Variants in LYPLAL1 observed in about 807,000 individuals in gnomAD.
LYPLAL1 encodes lysophospholipase like 1, also known as lysophospholipase-like protein 1.
A neutral mutation model predicts 19.7 loss-of-function variants in LYPLAL1; 23 were observed. The observed-to-expected ratio is 1.17, with a 90% CI of 0.84 to 1.65. LYPLAL1 has a LOEUF of 1.65. Ranked by LOEUF, LYPLAL1 falls within the 40% of genes most tolerant of loss-of-function variation. LYPLAL1 has a pLI of 0.00. For synonymous variants in LYPLAL1, 119 were observed against 96.3 expected, an observed-to-expected ratio of 1.24 and a Z score of -1.38; for missense variants, 355 against 279.4, an observed-to-expected ratio of 1.27 and a Z score of -1.93.
chr1:219,367,001 G>C, the LYPLAL1 span, among the ~76,000 whole-genome samples: 1 of 152,038 alleles, frequency 6.6e-6, no homozygotes, highest in East Asian at 1.9e-4. Flanking sequence ...TTATTTTTAA[G>C]TTAAACTTTA....
the LYPLAL1 span, among the ~76,000 whole-genome samples, chr1:219,434,668 A>G: frequency 1.1e-4 from 17 of 152,204 alleles, no homozygotes; most frequent in Non-Finnish European, 7.4e-5. Context: ...TGAAGGCTGA[A>G]TGATCAGCAC....
At chr1:219,199,288 A>G (rs1657878577) in intron 3 of LYPLAL1, among the ~76,000 whole-genome samples, 1 of 152,206 alleles carries the variant, frequency 6.6e-6, no homozygotes, top group South Asian at 2.1e-4. Flanking sequence ...TACAGACAAG[A>G]AGTATTATTC....
chr1:219,193,933 G>A (rs1046389581), intron 3 of LYPLAL1, among the ~76,000 whole-genome samples: 2 of 151,876 alleles, frequency 1.3e-5, no homozygotes, highest in South Asian at 2.1e-4. Flanking sequence ...TGTATTTAAT[G>A]ATGAAATTAA....
chr1:219,399,638 A>G, the LYPLAL1 span, among the ~76,000 whole-genome samples: 2 of 152,086 alleles, frequency 1.3e-5, no homozygotes, highest in Admixed American at 6.6e-5. Flanking sequence ...CTCTCCACTG[A>G]TCAGGTACTA....
the LYPLAL1 span, among the ~76,000 whole-genome samples, chr1:219,233,448 A>C: frequency 6.6e-6 from 1 of 152,214 alleles, no homozygotes; most frequent in Non-Finnish European, 1.5e-5. Context: ...TTAACATACT[A>C]AACTATACAC....
the LYPLAL1 span, among the ~76,000 whole-genome samples, chr1:219,257,314 A>C: frequency 6.7e-6 from 1 of 148,832 alleles, no homozygotes; most frequent in Admixed American, 6.7e-5. Flanking sequence ...GTTAATTGCT[A>C]TAAAATCTAC....
At chr1:219,218,897 G>A in the LYPLAL1 span, among the ~76,000 whole-genome samples, 2 of 152,076 alleles carry the variant, frequency 1.3e-5, no homozygotes, top group Non-Finnish European at 2.9e-5. Flanking sequence ...CCGGGGTCCT[G>A]GCCCCATCCA....
chr1:219,214,519 T>C (rs1659217755), downstream of LYPLAL1, among the ~76,000 whole-genome samples: 1 of 152,072 alleles, frequency 6.6e-6, no homozygotes, highest in Admixed American at 6.6e-5. Flanking sequence ...CCGCATACTA[T>C]AACTTTTTAT....
chr1:219,330,870 C>G, the LYPLAL1 span, among the ~76,000 whole-genome samples: 1 of 152,144 alleles, frequency 6.6e-6, no homozygotes, highest in African/African-American at 2.4e-5. Flanking sequence ...GACCAAGGCT[C>G]TCTTTGGGTC....
chr1:219,352,809 C>A, the LYPLAL1 span, among the ~76,000 whole-genome samples: 1 of 152,198 alleles, frequency 6.6e-6, no homozygotes, highest in Non-Finnish European at 1.5e-5. Context: ...GTTTGGCTTA[C>A]TACTCCCTGG....
chr1:219,270,583 C>T, the LYPLAL1 span, among the ~76,000 whole-genome samples: 6 of 152,252 alleles, frequency 3.9e-5, no homozygotes, highest in South Asian at 6.2e-4. Flanking sequence ...GGTTTTCTAC[C>T]GTACATATGG....
At chr1:219,204,805 T>A (rs369767451) in intron 3 of LYPLAL1, among the ~76,000 whole-genome samples, 1 of 152,152 alleles carries the variant, frequency 6.6e-6, no homozygotes, top group South Asian at 2.1e-4. Context: ...CTTCCTTTAT[T>A]GGCCACTAGG....
In LYPLAL1 at chr1:219,193,104, G is replaced by A. The variant is rs1202519185; in HGVS notation, c.214G>A (p.Gly72Arg). The A allele has an allele frequency of 3.1e-6, 5 of 1,603,580 alleles. No homozygotes were observed. The highest frequency in any genetic ancestry group is 1.1e-5 in the South Asian group (1 of 90,706). Residue 72 changes from glycine (G) to arginine (R), a missense_variant, in exon 3 of 5, where the codon GGA (glycine) becomes AGA (arginine). Gly to Arg is a moderately radical substitution (Grantham distance 125). Transcript: ENST00000366928. The part of the protein sequence containing the change: ...PPRSYTPMKG[G>R]ISNVWFDRFK... ...CAGATCATATACTCCTATGAAAGGA[G>A]GAATCTCCAATGTATGGTTTGACAG...
chr1:219,227,948 C>T, the LYPLAL1 span, among the ~76,000 whole-genome samples: 2 of 152,170 alleles, frequency 1.3e-5, no homozygotes, highest in Admixed American at 1.3e-4. Context: ...GCCTAGAGCC[C>T]TCCACAGTGT....
intron 3 of LYPLAL1, among the ~76,000 whole-genome samples, chr1:219,197,215 C>T (rs973621904): frequency 6.6e-6 from 1 of 152,104 alleles, no homozygotes; most frequent in African/African-American, 2.4e-5. Context: ...ATCATGCTAC[C>T]CAACTTCAAA....
intron 2 of LYPLAL1, among the ~76,000 whole-genome samples, chr1:219,183,941 A>T (rs183015506): frequency 1.3e-5 from 2 of 151,956 alleles, no homozygotes; most frequent in African/African-American, 4.8e-5. Flanking sequence ...TCTAGACTCT[A>T]TTCCATTGGT....
the LYPLAL1 span, among the ~76,000 whole-genome samples, chr1:219,399,552 G>T: frequency 6.6e-6 from 1 of 152,192 alleles, no homozygotes; most frequent in Non-Finnish European, 1.5e-5. Flanking sequence ...GGGATTTGCT[G>T]TGGGGCCCAG....
chr1:219,330,893 C>A, the LYPLAL1 span, among the ~76,000 whole-genome samples: 1 of 152,146 alleles, frequency 6.6e-6, no homozygotes, highest in East Asian at 1.9e-4. Context: ...AGGTAACAAG[C>A]CTTGTTTATA....
At chr1:219,342,416 C>A in the LYPLAL1 span, among the ~76,000 whole-genome samples, 1 of 152,086 alleles carries the variant, frequency 6.6e-6, no homozygotes, top group Non-Finnish European at 1.5e-5. Context: ...ACTACATTTG[C>A]GGGCCCTTTT....
Sources: gnomAD v4.1 joint callset for allele counts (sites outside exome capture counted in the v4.1 genomes callset) on GRCh38, gnomAD v4.1.1 for gene constraint, MANE v1.5 for transcripts, NCBI Gene and HGNC (gene_info 2026-07-23, HGNC 2026-07-21) for gene names.